The following FNDC1 variants were observed in gnomAD, a reference collection of about 807,000 sequenced individuals.
FNDC1 encodes fibronectin type III domain containing 1.
FNDC1 carries 96 observed loss-of-function variants against 168.0 expected under a neutral mutation model. That is an observed-to-expected ratio of 0.57 (90% CI 0.48 to 0.68). The LOEUF (loss-of-function observed/expected upper bound fraction) is 0.68. FNDC1 is among the 30% of genes least tolerant of loss of function. The pLI, the probability that FNDC1 is intolerant of heterozygous loss-of-function variation, is 0.00. For synonymous variants in FNDC1, 1,099 were observed against 1,025.9 expected (o/e 1.07, Z -1.36); for missense variants, 2,587 against 2,482.1 (o/e 1.04, Z -0.90).
intron 18 of FNDC1, 32 bp downstream of exon 18, chr6:159,256,663 G>A (rs1777381168): frequency 2.0e-6 from 3 of 1,484,920 alleles, no homozygotes; most frequent in Non-Finnish European, 2.8e-6. Flanking sequence ...GAAAAGATGA[G>A]ATCCATGTGC....
chr6:159,203,414 C>T (rs1395331327), intron 4 of FNDC1, among the ~76,000 whole-genome samples: 1 of 152,054 alleles, frequency 6.6e-6, no homozygotes, highest in African/African-American at 2.4e-5. Flanking sequence ...AGGAGGAGGA[C>T]CATGCCAGAG....
intron 5 of FNDC1, among the ~76,000 whole-genome samples, chr6:159,216,601 G>T (rs1782714658): frequency 6.6e-6 from 1 of 152,190 alleles, no homozygotes; most frequent in Admixed American, 6.5e-5. Context: ...TCTCTCATTG[G>T]TGAGTTGGAA....
At chr6:159,191,208 A>G (rs1782131558) in intron 1 of FNDC1, among the ~76,000 whole-genome samples, 1 of 152,206 alleles carries the variant, frequency 6.6e-6, no homozygotes, top group African/African-American at 2.4e-5. Context: ...CCTACCTCCA[A>G]CACTCAAGAT....
At chr6:159,198,774 T>A (rs1782308160) in intron 2 of FNDC1, among the ~76,000 whole-genome samples, 1 of 152,336 alleles carries the variant, frequency 6.6e-6, no homozygotes, top group South Asian at 2.1e-4. Context: ...ATCAAACACA[T>A]GTGGATTAAA....
At chr6:159,175,442 AC>A (rs1274769422) in intron 1 of FNDC1, among the ~76,000 whole-genome samples, 1 of 152,068 alleles carries the variant, frequency 6.6e-6, no homozygotes, top group African/African-American at 2.4e-5. Flanking sequence ...TTGAGCTTTT[AC>A]TGTATCTCCT....
chr6:159,187,397 A>G (rs760819886), intron 1 of FNDC1, among the ~76,000 whole-genome samples: 5 of 152,154 alleles, frequency 3.3e-5, no homozygotes, highest in Non-Finnish European at 5.9e-5. Context: ...AGCTCTTTCC[A>G]TTCCCTAGTG....
chr6:159,248,889 C>A, intron 15 of FNDC1, 150 bp from the exon 16 acceptor site: 2 of 619,452 alleles, frequency 3.2e-6, no homozygotes, highest in South Asian at 3.2e-5. Context: ...TACGTTTGGG[C>A]ATAGCATTTA....
At chr6:159,268,019 T>A in intron 22 of FNDC1, 93 bp downstream of exon 22, 1 of 1,361,098 alleles carries the variant, frequency 7.3e-7, no homozygotes, top group Non-Finnish European at 1.0e-6. Flanking sequence ...GCCTTTGCCT[T>A]GTCATTCGAA....
At chr6:159,228,108 C>T (rs1015100306) in intron 9 of FNDC1, among the ~76,000 whole-genome samples, 3 of 152,134 alleles carry the variant, frequency 2.0e-5, no homozygotes, top group Non-Finnish European at 4.4e-5. Context: ...TGACTTTATT[C>T]CCATGCTACT....
intron 14 of FNDC1, among the ~76,000 whole-genome samples, chr6:159,242,311 A>T (rs1393347975): frequency 6.6e-6 from 1 of 152,184 alleles, no homozygotes; most frequent in Admixed American, 6.5e-5. Context: ...GGAGGTGAAC[A>T]ACATACAGTG....
At chr6:159,174,010 A>C (rs950764550) in intron 1 of FNDC1, among the ~76,000 whole-genome samples, 1 of 152,194 alleles carries the variant, frequency 6.6e-6, no homozygotes, top group Non-Finnish European at 1.5e-5. Flanking sequence ...ACCTCTTTTC[A>C]TTGGCCCCCC....
At chr6:159,257,385 C>T (rs1332436825) in intron 18 of FNDC1, among the ~76,000 whole-genome samples, 1 of 152,204 alleles carries the variant, frequency 6.6e-6, no homozygotes, top group Non-Finnish European at 1.5e-5. Flanking sequence ...GTAAATACTA[C>T]CATTTTGGCC....
rs1475967110 is a variant in FNDC1 at position 159,233,764 on chromosome 6, A to T, written c.3252A>T (p.Thr1084=). ...AGGGCAGCTACGACGACGACAGCAC[A>T]GAAGTCGAGGCCCAGGATGTGCGGG... ...DAQGSYDDDS[T]EVEAQDVRAP... The change falls in exon 11 of 23, where the codon ACA becomes ACT. Residue 1084 remains threonine, a synonymous_variant. Transcript: ENST00000297267. This position sits in a 1 kb window ranked among gnomAD's most constrained non-coding sequence, Gnocchi z 4.6. The T allele has an allele frequency of 1.3e-6, 2 of 1,546,210 alleles. No individual in the cohort carries two copies. The highest frequency in any genetic ancestry group is 1.7e-6 in the Non-Finnish European group (2 of 1,144,892).
At chr6:159,228,362 G>A (rs114182436) in intron 9 of FNDC1, among the ~76,000 whole-genome samples, 2,929 of 152,104 alleles carry the variant, frequency 0.019, 107 homozygotes, top group African/African-American at 0.067. Context: ...ACTTTGACAA[G>A]GCTAAATTTA....
At chr6:159,219,605 C>T (rs538499607) in intron 5 of FNDC1, among the ~76,000 whole-genome samples, 31 of 152,218 alleles carry the variant, frequency 2.0e-4, no homozygotes, top group Middle Eastern at 3.4e-3. Context: ...AATGAAGATG[C>T]GCGCGTGAGA....
intron 14 of FNDC1, among the ~76,000 whole-genome samples, chr6:159,245,745 T>TAAATAGTTCTTCTAACCAGGG: frequency 5.5e-5 from 1 of 18,260 alleles, no homozygotes; most frequent in Non-Finnish European, 1.4e-4. Flanking sequence ...TATGGTAATT[T>TAAATAGTTCTTCTAACCAGGG]TTTTTTTTTT....
At chr6:159,246,396 T>C (rs1421758490) in intron 14 of FNDC1, among the ~76,000 whole-genome samples, 1 of 152,028 alleles carries the variant, frequency 6.6e-6, no homozygotes, top group Non-Finnish European at 1.5e-5. Flanking sequence ...AGAAGCAAGA[T>C]GGAGGAGGTG....
chr6:159,268,047 C>A, intron 22 of FNDC1, 121 bp downstream of exon 22: 1 of 996,788 alleles, frequency 1.0e-6, no homozygotes, highest in Non-Finnish European at 1.5e-6. Flanking sequence ...GTTGGGAGCA[C>A]TTAAGGTCAT....
intron 19 of FNDC1, among the ~76,000 whole-genome samples, chr6:159,261,589 T>C (rs929303455): frequency 2.6e-5 from 4 of 152,170 alleles, no homozygotes; most frequent in African/African-American, 9.7e-5. Context: ...TTAAAAAAAT[T>C]ATTGCAAGCA....
Sources: allele counts gnomAD v4.1 joint callset (sites outside exome capture counted in the v4.1 genomes callset), GRCh38; gene constraint gnomAD v4.1.1; non-coding constraint Gnocchi (gnomAD v3.1); transcripts MANE v1.5; gene names NCBI Gene and HGNC (gene_info 2026-07-23, HGNC 2026-07-21).